Variants in PAAF1 observed in about 807,000 individuals in gnomAD.
PAAF1 encodes the protein proteasomal ATPase-associated factor 1.
In PAAF1, 46 loss-of-function variants were observed where a neutral mutation model predicts 52.8. The ratio of observed to expected loss-of-function variants is 0.87; its 90% CI spans 0.69 to 1.11. The LOEUF (loss-of-function observed/expected upper bound fraction) is 1.11. Among genes scored for constraint, PAAF1 ranks in the 50% most tolerant of loss-of-function variants. The pLI is 0.00. For missense variants in PAAF1, 424 were observed against 477.4 expected (o/e 0.89, Z 1.04); for synonymous variants, 178 against 172.8 (o/e 1.03, Z -0.24).
At chr11:73,917,094 T>C (rs1181013846) in intron 9 of PAAF1, among the ~76,000 whole-genome samples, 1 of 152,100 alleles carries the variant, frequency 6.6e-6, no homozygotes, top group Non-Finnish European at 1.5e-5. Flanking sequence ...TATCTCGGCT[T>C]ACTGCAACCT....
chr11:73,892,815 C>T (rs1282764085), intron 4 of PAAF1, among the ~76,000 whole-genome samples: 5 of 152,010 alleles, frequency 3.3e-5, no homozygotes, highest in Admixed American at 6.6e-5. Context: ...CCTGCCACCA[C>T]GCCCGGCTAA....
chr11:73,909,652 C>A, intron 7 of PAAF1, 59 bp downstream of exon 7: 1 of 1,492,552 alleles, frequency 6.7e-7, no homozygotes, highest in Admixed American at 1.8e-5. Flanking sequence ...TCAGTGATTG[C>A]CTTAGTTTCT....
Position 73,891,138 on chromosome 11 carries a change from G to T in PAAF1, c.219G>T (p.Lys73Asn). Residue 73 changes from lysine to asparagine, a missense_variant, in exon 4 of 12, where the codon AAG (lysine) becomes AAT (asparagine). Physicochemically the swap from Lys to Asn is moderately conservative, Grantham distance 94. Transcript: ENST00000310571. ...AAAGCATTCATATTTCATGTCCAAAGGAAAATGCATCTTCTAAGTTTTTGG... is the reference window on the plus strand; with the variant it reads ...AAAGCATTCATATTTCATGTCCAAATGAAAATGCATCTTCTAAGTTTTTGG... ...NKKSIHISCPKENASSKFLAP... is the reference protein window; with the variant it reads ...NKKSIHISCPNENASSKFLAP... 1 of 1,601,188 alleles carries T rather than the reference G, an allele frequency of 6.2e-7. No homozygotes were observed. Among genetic ancestry groups the T allele is most frequent in the South Asian group, 1.1e-5 (1 of 90,440 alleles).
At chr11:73,907,503 C>T (rs887511014) in intron 6 of PAAF1, among the ~76,000 whole-genome samples, 1 of 152,120 alleles carries the variant, frequency 6.6e-6, no homozygotes, top group African/African-American at 2.4e-5. Flanking sequence ...CTTCTAGTGG[C>T]GTTATAAGCT....
intron 4 of PAAF1, among the ~76,000 whole-genome samples, chr11:73,897,613 T>C (rs1290539180): frequency 6.8e-6 from 1 of 146,984 alleles, no homozygotes; most frequent in African/African-American, 2.6e-5. Flanking sequence ...CGCTCCTCAC[T>C]TCCTAGATGG....
At chr11:73,925,457 C>T (rs868474571) in intron 11 of PAAF1, among the ~76,000 whole-genome samples, 5 of 147,650 alleles carry the variant, frequency 3.4e-5, no homozygotes, top group Non-Finnish European at 7.4e-5. Context: ...CAGAGTGAGA[C>T]CCTGTCTCAA....
At chr11:73,913,561 T>G (rs1382835332) in intron 7 of PAAF1, among the ~76,000 whole-genome samples, 1 of 152,234 alleles carries the variant, frequency 6.6e-6, no homozygotes, top group Non-Finnish European at 1.5e-5. Context: ...CTCATCACTT[T>G]CTGAAAGTAT....
rs934605800 is a variant in PAAF1 at position 73,896,413 on chromosome 11, G to T, written c.283-2733G>T. Reference sequence around the variant, plus strand: ...TCAGCAGATAAACAAGTGAACAAAGGTCTCTGGTTTTCCTAGGCAGAGGAC... The same window carrying T: ...TCAGCAGATAAACAAGTGAACAAAGTTCTCTGGTTTTCCTAGGCAGAGGAC... On this transcript the variant is annotated intron_variant, in intron 4 of 11. Transcript: ENST00000310571. 2.2e-4 allele frequency among the ~76,000 whole-genome samples: 33 copies of T among 151,270 alleles called. 1 individual carries two copies. The highest frequency in any genetic ancestry group is 7.5e-4 in the African/African-American group (31 of 41,186).
intron 10 of PAAF1, among the ~76,000 whole-genome samples, chr11:73,921,037 C>T (rs760419018): frequency 2.0e-5 from 3 of 151,952 alleles, no homozygotes; most frequent in Non-Finnish European, 4.4e-5. Context: ...CAGTGGCTCA[C>T]ATCTGTTATC....
chr11:73,900,810 G>A (rs1474149800), intron 6 of PAAF1, among the ~76,000 whole-genome samples: 3 of 151,550 alleles, frequency 2.0e-5, no homozygotes, highest in East Asian at 1.9e-4. Context: ...GTGAAACCCC[G>A]TCTCTACTAA....
intron 7 of PAAF1, among the ~76,000 whole-genome samples, chr11:73,912,384 CT>C (rs1346465724): frequency 6.6e-6 from 1 of 152,082 alleles, no homozygotes; most frequent in Non-Finnish European, 1.5e-5. Flanking sequence ...GATGGCACCG[CT>C]ATCTACCCAT....
At chr11:73,907,162 A>G (rs935996228) in intron 6 of PAAF1, among the ~76,000 whole-genome samples, 13 of 151,990 alleles carry the variant, frequency 8.6e-5, no homozygotes, top group African/African-American at 2.9e-4. Flanking sequence ...GCTAGGGACC[A>G]TAGCAAATAT....
Position 73,914,396 on chromosome 11 carries a change from G to C in PAAF1, c.728-17G>C. On this transcript the variant is annotated splice_polypyrimidine_tract_variant and intron_variant, in intron 7 of 11. Coordinates refer to ENST00000310571, the MANE Select transcript of PAAF1 (RefSeq NM_025155.3). The stretch of plus-strand genomic sequence containing the variant: ...GATCAGCCTCACTGTTATTAACATA[G>C]TTTATTTGTCATGCAGGTGAACGGG... The C allele has an allele frequency of 6.2e-7, 1 of 1,612,426 alleles. No homozygotes were observed. Among genetic ancestry groups the C allele is most frequent in the Non-Finnish European group, 8.5e-7 (1 of 1,178,620 alleles).
At chr11:73,901,605 ATT>A (rs550229985) in intron 6 of PAAF1, among the ~76,000 whole-genome samples, 3 of 142,112 alleles carry the variant, frequency 2.1e-5, no homozygotes, top group African/African-American at 5.1e-5. Flanking sequence ...AAGTTTTAAG[ATT>A]TTTTTTTTTT....
chr11:73,923,407 C>CA (rs962771532), intron 10 of PAAF1, among the ~76,000 whole-genome samples: 2 of 151,886 alleles, frequency 1.3e-5, no homozygotes, highest in African/African-American at 4.8e-5. Context: ...AAAATAGGCA[C>CA]AAAAAAATAG....
chr11:73,902,862 A>G (rs996292970), intron 6 of PAAF1, among the ~76,000 whole-genome samples: 1 of 151,982 alleles, frequency 6.6e-6, no homozygotes. Flanking sequence ...ATGCCCGGCT[A>G]ATTTTTTTTT....
At chr11:73,876,837 A>T, upstream of PAAF1, 1 of 578,396 alleles carries the variant, frequency 1.7e-6, no homozygotes, top group Non-Finnish European at 2.8e-6. Flanking sequence ...GATCCTCTGT[A>T]CATCCTTTCA....
Position 73,900,375 on chromosome 11 carries a change from G to A in PAAF1, c.487G>A (p.Ala163Thr), listed in dbSNP as rs759255577. 3 of 1,612,546 alleles carry A rather than the reference G, an allele frequency of 1.9e-6. No homozygotes were observed. The highest frequency in any genetic ancestry group is 2.5e-6 in the Non-Finnish European group (3 of 1,178,888). The change falls in exon 6 of 12, where the codon GCT (alanine) becomes ACT (threonine). Residue 163 changes from alanine (A) to threonine (T), a missense_variant. Coordinates refer to ENST00000310571, the MANE Select transcript of PAAF1 (RefSeq NM_025155.3). ...GGATGCCCAGCTGAAGATATGGTCA[G>A]CTGAAGATGCTAGCTGCGTGGTGAC... The part of the protein sequence containing the change: ...GMDAQLKIWS[A>T]EDASCVVTFK...
At chr11:73,901,339 T>TA (rs1949607687) in intron 6 of PAAF1, among the ~76,000 whole-genome samples, 1 of 152,182 alleles carries the variant, frequency 6.6e-6, no homozygotes, top group African/African-American at 2.4e-5. Context: ...GGGGAAAAAA[T>TA]ATTATTTAGG....
Sources: gnomAD v4.1 joint callset for allele counts (sites outside exome capture counted in the v4.1 genomes callset) on GRCh38, gnomAD v4.1.1 for gene constraint, MANE v1.5 for transcripts, NCBI Gene and HGNC (gene_info 2026-07-23, HGNC 2026-07-21) for gene names.